RNF19A: variants seen among roughly 807,000 people sequenced by gnomAD.
RNF19A encodes the protein ring finger protein 19A, RBR E3 ubiquitin protein ligase.
In RNF19A, 32 loss-of-function variants were observed where a neutral mutation model predicts 75.7. That is an observed-to-expected ratio of 0.42 (90% CI 0.32 to 0.57). The LOEUF (loss-of-function observed/expected upper bound fraction) is 0.57, where lower values mean the gene tolerates loss of function less well. Ranked by LOEUF, RNF19A falls within the 20% of genes least tolerant of loss-of-function variation. RNF19A has a pLI of 0.10. For missense variants in RNF19A, 782 were observed against 1,036.3 expected (o/e 0.75, Z 3.37); for synonymous variants, 335 against 345.2 (o/e 0.97, Z 0.33).
chr8:100,328,183 C>T (rs896746100), intron 1 of RNF19A, among the ~76,000 whole-genome samples: 1 of 152,290 alleles, frequency 6.6e-6, no homozygotes, highest in African/African-American at 2.4e-5. Context: ...CCACCTTCTG[C>T]CACACCCTCA....
At chr8:100,311,859 G>A (rs902460059), upstream of RNF19A, among the ~76,000 whole-genome samples, 3 of 152,090 alleles carry the variant, frequency 2.0e-5, no homozygotes, top group Non-Finnish European at 4.4e-5. Context: ...TCTGTACAAC[G>A]GTAATATTTT....
rs1004868954 is a variant in RNF19A at position 100,269,674 on chromosome 8, A to T, written c.1028+195T>A. Among the ~76,000 whole-genome samples the T allele has an allele frequency of 6.6e-6, 1 of 152,168 alleles. No homozygotes were observed. Among genetic ancestry groups the T allele is most frequent in the Non-Finnish European group, 1.5e-5 (1 of 67,994 alleles). ...CTAGTTTAACAAAAACAAAAAAAGGAAATATCCATTTCCTATTTTGACTAG... is the reference window on the plus strand; with the variant it reads ...CTAGTTTAACAAAAACAAAAAAAGGTAATATCCATTTCCTATTTTGACTAG... On this transcript the variant is annotated intron_variant, in intron 4 of 9. Transcript: ENST00000341084. This position sits in a 1 kb window ranked among gnomAD's most constrained non-coding sequence, Gnocchi z 5.7.
At chr8:100,334,257 T>C (rs146025017) in intron 1 of RNF19A, among the ~76,000 whole-genome samples, 185 of 152,350 alleles carry the variant, frequency 1.2e-3, no homozygotes, top group African/African-American at 4.1e-3. Flanking sequence ...GTGTGCTAAT[T>C]TTGACTTTTC....
At position 100,258,039 on chromosome 8, in the gene RNF19A, A is replaced by G. The variant is rs1819534043; in HGVS notation, c.*517T>C. 1 of 398,468 alleles carries G rather than the reference A, an allele frequency of 2.5e-6. No individual in the cohort carries two copies. 24.7% of individuals were successfully genotyped at this position (398,468 alleles called of 1,614,324 possible). A position where few individuals can be genotyped will look rare whatever the true frequency, so the allele number is the denominator to read the frequency against. On this transcript the variant is annotated 3_prime_UTR_variant, in exon 10 of 10. Coordinates refer to ENST00000341084, the MANE Select transcript of RNF19A (RefSeq NM_183419.4). This position sits in a 1 kb window ranked among gnomAD's most constrained non-coding sequence, Gnocchi z 4.3. ...AATGAGCTGCATTAAGCTTTATATA[A>G]CCACATTGCATATGAAGAAAAAAAA...
chr8:100,261,715 T>C lies in RNF19A; in HGVS notation c.1509A>G (p.Ile503Met), dbSNP rs990256356. ...SVAEARHNPSIGEGSVGGLTG... is the reference protein window; with the variant it reads ...SVAEARHNPSMGEGSVGGLTG... ...TCAGCCCACCAACACTTCCCTCCCC[T>C]ATGCTTGGGTTGTGTCTTGCTTCTG... The change falls in exon 8 of 10, where the codon ATA becomes ATG. Residue 503 changes from isoleucine to methionine, a missense_variant. Transcript: ENST00000341084. The surrounding 1 kb of genome is among the most constrained non-coding windows in gnomAD (Gnocchi z 4.4). 3.0e-5 allele frequency: 48 copies of C among 1,614,050 alleles called. No homozygotes were observed. Among genetic ancestry groups the C allele is most frequent in the Non-Finnish European group, 3.9e-5 (46 of 1,180,016 alleles).
chr8:100,328,981 C>T (rs1822576316), intron 1 of RNF19A, among the ~76,000 whole-genome samples: 1 of 152,162 alleles, frequency 6.6e-6, no homozygotes, highest in African/African-American at 2.4e-5. Flanking sequence ...GAATCTGGGT[C>T]TTGCGCAGGT....
chr8:100,291,628 T>TGAA (rs1306369912), intron 1 of RNF19A, among the ~76,000 whole-genome samples: 2 of 152,224 alleles, frequency 1.3e-5, no homozygotes, highest in African/African-American at 4.8e-5. Context: ...ATTCTGGAAA[T>TGAA]GAAGAAGGCA....
Position 100,259,302 on chromosome 8 carries a change from T to G in RNF19A, c.1827-56A>C. Reference sequence around the variant, plus strand: ...AATTGCTGACTTCTTTTTGTTCAGATGACTGGGGGAAGGGTTTCTATGTGG... The same window carrying G: ...AATTGCTGACTTCTTTTTGTTCAGAGGACTGGGGGAAGGGTTTCTATGTGG... On this transcript the variant is annotated intron_variant, in intron 9 of 9. Coordinates refer to ENST00000341084, the MANE Select transcript of RNF19A (RefSeq NM_183419.4). This position sits in a 1 kb window ranked among gnomAD's most constrained non-coding sequence, Gnocchi z 4.5. 1 of 1,418,310 alleles carries G rather than the reference T, an allele frequency of 7.1e-7. No homozygotes were observed. Among genetic ancestry groups the G allele is most frequent in the South Asian group, 1.3e-5 (1 of 77,834 alleles). The allele number at this position is 1,418,310 out of a possible 1,614,324, so 87.9% of individuals were successfully genotyped here.
At chr8:100,305,028 C>T (rs575656780) in intron 1 of RNF19A, among the ~76,000 whole-genome samples, 2 of 152,256 alleles carry the variant, frequency 1.3e-5, no homozygotes, top group Admixed American at 6.5e-5. Flanking sequence ...CTCTACCTCC[C>T]AAGTTCAAGC....
At chr8:100,277,849 T>G (rs1362125491) in intron 2 of RNF19A, among the ~76,000 whole-genome samples, 1 of 152,204 alleles carries the variant, frequency 6.6e-6, no homozygotes, top group Non-Finnish European at 1.5e-5. Flanking sequence ...GTCTTTGTTT[T>G]AAAACAATAA....
chr8:100,334,079 G>T (rs115336389), intron 1 of RNF19A, among the ~76,000 whole-genome samples: 36 of 152,280 alleles, frequency 2.4e-4, no homozygotes, highest in African/African-American at 8.7e-4. Context: ...TGTTCACTGT[G>T]CTTGTAATGC....
rs142162657 is a variant in RNF19A, at chr8:100,317,649, G to T, written c.-242-4277C>A. ...AAGCCCACACTGTGCTGGTGACCTGGACCAGAATCCTCCAGAGGCTTCTAC... is the reference window on the plus strand; with the variant it reads ...AAGCCCACACTGTGCTGGTGACCTGTACCAGAATCCTCCAGAGGCTTCTAC... On this transcript the variant is annotated intron_variant, in intron 1 of 3. Coordinates refer to the RNF19A transcript ENST00000519527. This position sits in a 1 kb window ranked among gnomAD's most constrained non-coding sequence, Gnocchi z 4.3. Among the ~76,000 whole-genome samples the T allele has an allele frequency of 2.0e-5, 3 of 152,270 alleles. No homozygotes were observed. Among genetic ancestry groups the T allele is most frequent in the Non-Finnish European group, 4.4e-5 (3 of 68,024 alleles).
At chr8:100,282,167 A>G (rs1820808634) in intron 2 of RNF19A, among the ~76,000 whole-genome samples, 1 of 152,222 alleles carries the variant, frequency 6.6e-6, no homozygotes. Flanking sequence ...GAGAAAGCTG[A>G]CATGTCTCCT....
intron 1 of RNF19A, among the ~76,000 whole-genome samples, chr8:100,326,029 G>A (rs16898244): frequency 1.3e-5 from 2 of 151,892 alleles, no homozygotes; most frequent in Admixed American, 1.3e-4. Flanking sequence ...TCTGCTATCC[G>A]GGTGTTTTAT....
intron 1 of RNF19A, among the ~76,000 whole-genome samples, chr8:100,302,186 T>C (rs1821866540): frequency 6.6e-6 from 1 of 152,194 alleles, no homozygotes; most frequent in African/African-American, 2.4e-5. Context: ...AAAATCTAAG[T>C]TTAAAAGGAT....
chr8:100,320,894 G>A (rs905653650), intron 1 of RNF19A, among the ~76,000 whole-genome samples: 3 of 152,110 alleles, frequency 2.0e-5, no homozygotes, highest in Admixed American at 2.0e-4. Context: ...ACATTATATT[G>A]TGGGCTATTA....
chr8:100,268,830 A>G lies in RNF19A; in HGVS notation c.1146T>C (p.Ala382=), dbSNP rs777249891. The change falls in exon 5 of 10, where the codon GCT becomes GCC. Residue 382 remains alanine, a synonymous_variant. Coordinates refer to ENST00000341084, the MANE Select transcript of RNF19A (RefSeq NM_183419.4). The part of the protein sequence containing the change: ...PVGIALIAGI[A]IPAMIIGIPV... ...GAATGCCAATAATCATTGCAGGAAT[A>G]GCAATGCCAGCTATTAAAGCGATTC... 6.3e-7 allele frequency: 1 copy of G among 1,597,208 alleles called. No homozygotes were observed. The highest frequency in any genetic ancestry group is 8.5e-7 in the Non-Finnish European group (1 of 1,170,066).
chr8:100,328,430 A>T (rs1018815569), intron 1 of RNF19A, among the ~76,000 whole-genome samples: 1 of 152,038 alleles, frequency 6.6e-6, no homozygotes, highest in Non-Finnish European at 1.5e-5. Flanking sequence ...GGGACAGAGA[A>T]TAGGAGAGGA....
rs560356788 is a variant in RNF19A at position 100,271,663 on chromosome 8, A to T, written c.884-1650T>A. ...ATCACACATGAGAATTAATACCACA[A>T]GCAATGTATTTTTGATAGGTCTCTA... On this transcript the variant is annotated intron_variant, in intron 3 of 9. Transcript: ENST00000341084. 5.5e-4 allele frequency among the ~76,000 whole-genome samples: 84 copies of T among 152,306 alleles called. 1 individual carries two copies. The highest frequency in any genetic ancestry group is 6.8e-3 in the Middle Eastern group (2 of 294).
Sources: gnomAD v4.1 joint callset for allele counts (sites outside exome capture counted in the v4.1 genomes callset) on GRCh38, gnomAD v4.1.1 for gene constraint, Gnocchi (gnomAD v3.1) non-coding constraint, MANE v1.5 for transcripts, NCBI Gene and HGNC (gene_info 2026-07-23, HGNC 2026-07-21) for gene names.